The following NCR2 variants were observed in gnomAD, a reference collection of about 807,000 sequenced individuals.
NCR2 encodes the protein natural cytotoxicity triggering receptor 2.
A neutral mutation model predicts 30.7 loss-of-function variants in NCR2; 35 were observed. The ratio of observed to expected loss-of-function variants is 1.14; its 90% confidence interval spans 0.87 to 1.51. The LOEUF (loss-of-function observed/expected upper bound fraction) is 1.51. Among genes scored for constraint, NCR2 ranks in the 40% most tolerant of loss-of-function variants. NCR2 has a pLI of 0.00. For missense variants in NCR2, 316 were observed against 328.9 expected (o/e 0.96, Z 0.30); for synonymous variants, 146 against 134.8 (o/e 1.08, Z -0.58).
intron 4 of NCR2, among the ~76,000 whole-genome samples, 173 bp downstream of exon 4, chr6:41,342,322 A>C (rs1769195182): frequency 6.6e-6 from 1 of 151,926 alleles, no homozygotes; most frequent in Non-Finnish European, 1.5e-5. Flanking sequence ...ACACAGGCTC[A>C]CCTTTGTCCT....
intron 2 of NCR2, among the ~76,000 whole-genome samples, chr6:41,340,994 C>T (rs931487091): frequency 6.6e-6 from 1 of 152,120 alleles, no homozygotes; most frequent in Non-Finnish European, 1.5e-5. Context: ...CTTTCCCCTT[C>T]TTTCCCCTTC....
chr6:41,340,515 T>C (rs180880758), intron 2 of NCR2, among the ~76,000 whole-genome samples: 1 of 152,310 alleles, frequency 6.6e-6, no homozygotes, highest in African/African-American at 2.4e-5. Context: ...TGGCATAGGT[T>C]ACTAGCACAC....
chr6:41,336,919 C>T (rs889013901), intron 2 of NCR2, among the ~76,000 whole-genome samples: 1 of 152,132 alleles, frequency 6.6e-6, no homozygotes, highest in Non-Finnish European at 1.5e-5. Context: ...TATTTTGTGA[C>T]ATACAGGAAA....
In NCR2 at chr6:41,344,058, C is replaced by T. The variant is rs532510161; in HGVS notation, c.644+1909C>T. Among the ~76,000 whole-genome samples, 24 of 152,258 alleles carry T rather than the reference C, an allele frequency of 1.6e-4. No individual in the cohort carries two copies. The East Asian group carries it at 3.3e-3, about 21-fold the overall frequency. On this transcript the variant is annotated intron_variant, in intron 4 of 4. Coordinates refer to ENST00000373089, the MANE Select transcript of NCR2 (RefSeq NM_004828.4). ...AGCCCCTTCACCTCACACTGGCACT[C>T]GGACCACTGTGTCAGCCACCTAACA...
At chr6:41,350,224 G>T (rs957219506) in intron 4 of NCR2, among the ~76,000 whole-genome samples, 2 of 152,148 alleles carry the variant, frequency 1.3e-5, no homozygotes, top group African/African-American at 4.8e-5. Flanking sequence ...TCTAAGTAGG[G>T]TGATGTATTC....
In NCR2 at chr6:41,335,799, A is replaced by G; in HGVS notation, c.-78A>G. On this transcript the variant is annotated 5_prime_UTR_variant, in exon 1 of 5. Coordinates refer to ENST00000373089, the MANE Select transcript of NCR2 (RefSeq NM_004828.4). ...TCAGACGTGCTGGAAGAGCAGCAGA[A>G]TCAGGCCCAGCTCCCAATTCCCTCT... 1 of 1,460,968 alleles carries G rather than the reference A, an allele frequency of 6.8e-7. No individual in the cohort carries two copies. 90.5% of individuals were successfully genotyped at this position (1,460,968 alleles called of 1,614,324 possible).
At chr6:41,337,945 TTAA>T (rs1430655609) in intron 2 of NCR2, among the ~76,000 whole-genome samples, 1 of 152,220 alleles carries the variant, frequency 6.6e-6, no homozygotes, top group Non-Finnish European at 1.5e-5. Context: ...TATCAAATTA[TTAA>T]TGTTTTCCCA....
chr6:41,348,504 T>C (rs1769354839), intron 4 of NCR2, among the ~76,000 whole-genome samples: 2 of 152,044 alleles, frequency 1.3e-5, no homozygotes, highest in African/African-American at 4.8e-5. Context: ...ATCAGAACTT[T>C]AGCTGGGAAA....
chr6:41,338,986 C>A (rs1769100121), intron 2 of NCR2, among the ~76,000 whole-genome samples: 1 of 152,220 alleles, frequency 6.6e-6, no homozygotes, highest in African/African-American at 2.4e-5. Flanking sequence ...GCTTTTCAAT[C>A]CAATACTCTT....
chr6:41,344,484 G>T lies in NCR2; in HGVS notation c.644+2335G>T, dbSNP rs555380066. The stretch of plus-strand genomic sequence containing the variant: ...CGTGATTATCTTTTCTCTCCTGTTT[G>T]TCATCTATTTTTCTTTATTCCTACT... On this transcript the variant is annotated intron_variant, in intron 4 of 4. Transcript: ENST00000373089. 1.8e-4 allele frequency among the ~76,000 whole-genome samples: 28 copies of T among 152,246 alleles called. No individual in the cohort carries two copies. In the South Asian group the frequency reaches 5.6e-3, roughly 30 times the overall value.
intron 4 of NCR2, among the ~76,000 whole-genome samples, chr6:41,346,659 A>G (rs1323799176): frequency 6.6e-6 from 1 of 152,134 alleles, no homozygotes; most frequent in Non-Finnish European, 1.5e-5. Flanking sequence ...ACAAAATACA[A>G]TCTATCATCC....
chr6:41,350,743 A>G lies in NCR2; in HGVS notation c.710A>G (p.His237Arg). 6.2e-7 allele frequency: 1 copy of G among 1,613,588 alleles called. No individual in the cohort carries two copies. The highest frequency in any genetic ancestry group is 8.5e-7 in the Non-Finnish European group (1 of 1,179,456). ...RSLDTQKATCHLQQVTDLPWT... is the reference protein window; with the variant it reads ...RSLDTQKATCRLQQVTDLPWT... ...CTGGATACCCAAAAAGCCACCTGCC[A>G]CCTTCAACAGGTCACGGACCTTCCC... The change falls in exon 5 of 5, where the codon CAC becomes CGC. Residue 237 changes from histidine (H) to arginine (R), a missense_variant. Coordinates refer to ENST00000373089, the MANE Select transcript of NCR2 (RefSeq NM_004828.4).
At position 41,343,016 on chromosome 6, in the gene NCR2, G is replaced by C. The variant is rs1769215232; in HGVS notation, c.644+867G>C. ...CATAGACACTTCCCACTGAGCCACAGGGCACCAGGTGGGCGGCCAGTCTCC... is the reference window on the plus strand; with the variant it reads ...CATAGACACTTCCCACTGAGCCACACGGCACCAGGTGGGCGGCCAGTCTCC... On this transcript the variant is annotated intron_variant, in intron 4 of 4. Coordinates refer to ENST00000373089, the MANE Select transcript of NCR2 (RefSeq NM_004828.4). The C allele has an allele frequency of 1.9e-6, 3 of 1,550,494 alleles. No individual in the cohort carries two copies. The East Asian group carries it at 7.3e-5, about 38-fold the overall frequency.
At chr6:41,342,973 C>T in intron 4 of NCR2, 1 of 1,550,626 alleles carries the variant, frequency 6.4e-7, no homozygotes, top group Non-Finnish European at 8.7e-7. Flanking sequence ...GCACCCAGCT[C>T]AGCCCAGGCC....
Position 41,340,462 on chromosome 6 carries a change from G to A in NCR2, c.395-1332G>A, listed in dbSNP as rs1371067250. On this transcript the variant is annotated intron_variant, in intron 2 of 4. Coordinates refer to ENST00000373089, the MANE Select transcript of NCR2 (RefSeq NM_004828.4). Reference sequence around the variant, plus strand: ...CAGGCGTGAGCCACCACGCCTGGCCGCTAACAAGTAATTTTAAAGTATCAC... The same window carrying A: ...CAGGCGTGAGCCACCACGCCTGGCCACTAACAAGTAATTTTAAAGTATCAC... Among the ~76,000 whole-genome samples, 5 of 152,074 alleles carry A rather than the reference G, an allele frequency of 3.3e-5. No individual in the cohort carries two copies. In the East Asian group the frequency reaches 5.8e-4, roughly 18 times the overall value.
At chr6:41,350,547 C>T in intron 4 of NCR2, 131 bp from the exon 5 acceptor site, 2 of 743,816 alleles carry the variant, frequency 2.7e-6, no homozygotes, top group East Asian at 2.6e-5. Flanking sequence ...CAGGAGCAGA[C>T]TTCATCCTTG....
intron 2 of NCR2, among the ~76,000 whole-genome samples, chr6:41,337,544 T>C (rs1371189742): frequency 2.0e-5 from 3 of 152,238 alleles, no homozygotes; most frequent in Non-Finnish European, 4.4e-5. Flanking sequence ...GCACTTTTCT[T>C]ACTTGGTAAC....
At chr6:41,350,034 T>C (rs1769391935) in intron 4 of NCR2, among the ~76,000 whole-genome samples, 2 of 152,344 alleles carry the variant, frequency 1.3e-5, no homozygotes, top group Admixed American at 6.5e-5. Flanking sequence ...GGACATTTTC[T>C]ACTTTCCACA....
In NCR2 at chr6:41,341,942, G is replaced by T; in HGVS notation, c.530+13G>T. ...CTGTCCCTTCACAGTGAGTTTCGGG[G>T]TGCCCGTAGCCACACAGGCCTGGGC... On this transcript the variant is annotated intron_variant, in intron 3 of 4. Transcript: ENST00000373089. 1 of 1,613,218 alleles carries T rather than the reference G, an allele frequency of 6.2e-7. No homozygotes were observed. Among genetic ancestry groups the T allele is most frequent in the Non-Finnish European group, 8.5e-7 (1 of 1,179,388 alleles).
Sources: gnomAD v4.1 joint callset for allele counts (sites outside exome capture counted in the v4.1 genomes callset) on GRCh38, gnomAD v4.1.1 for gene constraint, MANE v1.5 for transcripts, NCBI Gene and HGNC (gene_info 2026-07-23, HGNC 2026-07-21) for gene names.